The following HIPK2 variants were observed in gnomAD, a reference collection of about 807,000 sequenced individuals.
The protein encoded by HIPK2 is homeodomain-interacting protein kinase 2.
HIPK2 carries 27 observed loss-of-function variants against 113.7 expected under a neutral mutation model. The observed-to-expected ratio is 0.24, with a 90% CI of 0.17 to 0.33. The LOEUF is 0.33. Among genes scored for constraint, HIPK2 ranks in the 10% least tolerant of loss-of-function variants. The pLI is 1.00. For synonymous variants in HIPK2, 631 were observed against 642.2 expected (o/e 0.98, Z 0.26); for missense variants, 1,257 against 1,588.0 (o/e 0.79, Z 3.54).
At chr7:139,722,071 G>A in intron 1 of HIPK2, 1 of 470,416 alleles carries the variant, frequency 2.1e-6, no homozygotes, top group Non-Finnish European at 4.3e-6. Context: ...AGATATGCAT[G>A]GGGTTCTTAC....
At chr7:139,701,436 A>G (rs1215540869) in intron 2 of HIPK2, among the ~76,000 whole-genome samples, 3 of 152,238 alleles carry the variant, frequency 2.0e-5, no homozygotes, top group Admixed American at 2.0e-4. Context: ...CCTGTTCCCA[A>G]AGCCCTCACC....
rs1227950398 is a variant in HIPK2, at chr7:139,573,021, G to A, written c.3503C>T (p.Ala1168Val). The change falls in exon 15 of 15, where the codon GCC becomes GTC. Residue 1168 changes from alanine to valine, a missense_variant. By Grantham distance (64) the Ala-to-Val change is moderately conservative. This residue lies in a region of HIPK2 where 862 missense variants were observed against 1,004.3 expected (regional missense o/e 0.86). Coordinates refer to ENST00000406875, the MANE Select transcript of HIPK2 (RefSeq NM_022740.5). ...CGAGGCGCTGATGTAGGTCTGGTGGGCAAATTGGGCTGGATACTGACTCGG... is the reference window on the plus strand; with the variant it reads ...CGAGGCGCTGATGTAGGTCTGGTGGACAAATTGGGCTGGATACTGACTCGG... ...IHPSQYPAQF[A>V]HQTYISASPA... The A allele has an allele frequency of 6.2e-7, 1 of 1,612,362 alleles. No individual in the cohort carries two copies. The highest frequency in any genetic ancestry group is 8.5e-7 in the Non-Finnish European group (1 of 1,179,322).
chr7:139,619,587 T>C (rs1299717890), intron 7 of HIPK2, among the ~76,000 whole-genome samples: 3 of 152,192 alleles, frequency 2.0e-5, no homozygotes, highest in African/African-American at 4.8e-5. Flanking sequence ...GACAGGCTGA[T>C]GAACTGATTT....
At chr7:139,647,119 GT>G (rs3047860) in intron 2 of HIPK2, among the ~76,000 whole-genome samples, 21,549 of 142,364 alleles carry the variant, frequency 0.15, 1,567 homozygotes, top group Middle Eastern at 0.17. Flanking sequence ...TGCACTGATA[GT>G]TTTTTTTTTT....
intron 2 of HIPK2, among the ~76,000 whole-genome samples, chr7:139,681,858 C>G (rs1341927795): frequency 6.6e-6 from 1 of 152,210 alleles, no homozygotes; most frequent in Non-Finnish European, 1.5e-5. Context: ...TCCTACATTT[C>G]TTTGTCCACT....
intron 2 of HIPK2, among the ~76,000 whole-genome samples, chr7:139,652,317 C>A (rs1157573047): frequency 6.6e-6 from 1 of 152,200 alleles, no homozygotes; most frequent in African/African-American, 2.4e-5. Context: ...TTGTATAAGA[C>A]AGCAGGAGGA....
At chr7:139,660,906 G>T (rs1318126146) in intron 2 of HIPK2, among the ~76,000 whole-genome samples, 4 of 152,172 alleles carry the variant, frequency 2.6e-5, no homozygotes, top group Non-Finnish European at 5.9e-5. Flanking sequence ...CATTAACAAG[G>T]AAACAGAATC....
chr7:139,763,887 T>C (rs551214216), intron 1 of HIPK2, among the ~76,000 whole-genome samples: 38 of 152,364 alleles, frequency 2.5e-4, no homozygotes, highest in African/African-American at 7.2e-4. Context: ...GCTCTTATAC[T>C]ATAAACAAGT....
chr7:139,668,937 G>C (rs984828647), intron 2 of HIPK2, among the ~76,000 whole-genome samples: 6 of 152,148 alleles, frequency 3.9e-5, no homozygotes, highest in Non-Finnish European at 5.9e-5. Context: ...CAAATGTCAA[G>C]ATATTCTGAA....
At chr7:139,763,450 G>C (rs1173022931) in intron 1 of HIPK2, among the ~76,000 whole-genome samples, 3 of 150,102 alleles carry the variant, frequency 2.0e-5, no homozygotes, top group African/African-American at 7.4e-5. Context: ...CTGCTTTTAG[G>C]AGTAAGATTT....
chr7:139,631,182 G>T lies in HIPK2; in HGVS notation c.1330C>A (p.Pro444Thr), dbSNP rs1423379788. 6.2e-7 allele frequency: 1 copy of T among 1,613,112 alleles called. No individual in the cohort carries two copies. Among genetic ancestry groups the T allele is most frequent in the South Asian group, 1.1e-5 (1 of 90,724 alleles). The change falls in exon 4 of 15, where the codon CCT (proline) becomes ACT (threonine). Residue 444 changes from proline (P) to threonine (T), a missense_variant. Pro to Thr is a conservative substitution (Grantham distance 38, BLOSUM62 -1). Coordinates refer to ENST00000406875, the MANE Select transcript of HIPK2 (RefSeq NM_022740.5). The surrounding 1 kb of genome is among the most constrained non-coding windows in gnomAD (Gnocchi z 4.9). ...FFNRDTDSPY[P>T]LWRLKTPDDH... ...CTTCCTACCTTCAGTCTCCACAAAG[G>T]ATATGGTGAGTCCGTGTCACGGTTG...
chr7:139,756,327 TTTAA>T (rs1293444646), intron 1 of HIPK2, among the ~76,000 whole-genome samples: 1 of 152,244 alleles, frequency 6.6e-6, no homozygotes, highest in Non-Finnish European at 1.5e-5. Context: ...TTTTCTGATA[TTTAA>T]TTATTTCCCT....
chr7:139,667,789 T>C (rs1400302251), intron 2 of HIPK2, among the ~76,000 whole-genome samples: 1 of 152,306 alleles, frequency 6.6e-6, no homozygotes, highest in East Asian at 1.9e-4. Context: ...GTAAATATAT[T>C]CTATTTTACT....
intron 2 of HIPK2, among the ~76,000 whole-genome samples, chr7:139,705,388 T>C (rs1037567142): frequency 3.9e-5 from 6 of 152,192 alleles, no homozygotes; most frequent in Admixed American, 3.9e-4. Flanking sequence ...CCCCCTTTTT[T>C]TTTTTTGAGA....
chr7:139,630,364 C>T lies in HIPK2; in HGVS notation c.1347+801G>A, dbSNP rs115616067. Reference sequence around the variant, plus strand: ...CTAACCCCCATCACCCCAGCCGCCACCCCACACTTCTATACTGGGCAAACC... The same window carrying T: ...CTAACCCCCATCACCCCAGCCGCCATCCCACACTTCTATACTGGGCAAACC... On this transcript the variant is annotated intron_variant, in intron 4 of 14. Transcript: ENST00000406875. The surrounding 1 kb of genome is among the most constrained non-coding windows in gnomAD (Gnocchi z 4.0). Among the ~76,000 whole-genome samples the T allele has an allele frequency of 0.012, 1,771 of 152,212 alleles. 49 individuals are homozygous for T. Among genetic ancestry groups the T allele is most frequent in the African/African-American group, 0.041 (1,698 of 41,536 alleles).
intron 2 of HIPK2, among the ~76,000 whole-genome samples, chr7:139,655,152 T>C (rs1024963385): frequency 3.3e-5 from 5 of 152,216 alleles, no homozygotes; most frequent in Non-Finnish European, 4.4e-5. Flanking sequence ...GATGAGCCAG[T>C]TACTGAATTC....
Position 139,774,322 on chromosome 7 carries a change from C to T in HIPK2, c.19+3283G>A, listed in dbSNP as rs141699525. Among the ~76,000 whole-genome samples, 623 of 152,268 alleles carry T rather than the reference C, an allele frequency of 4.1e-3. 4 individuals carry two copies. The highest frequency in any genetic ancestry group is 0.013 in the African/African-American group (537 of 41,540). The stretch of plus-strand genomic sequence containing the variant: ...TGCACAGTCCAATAAAGCCCAAAGT[C>T]GTATCACTAGATTCAAACTCAGGTT... On this transcript the variant is annotated intron_variant, in intron 1 of 14. Transcript: ENST00000406875.
At chr7:139,712,134 A>C (rs944935927) in intron 2 of HIPK2, among the ~76,000 whole-genome samples, 1 of 152,140 alleles carries the variant, frequency 6.6e-6, no homozygotes, top group Non-Finnish European at 1.5e-5. Context: ...TGACCTTCGA[A>C]TTGGAAGGGA....
At position 139,760,127 on chromosome 7, in the gene HIPK2, C is replaced by T. The variant is rs73475910; in HGVS notation, c.19+17478G>A. ...ACGCCATTCTCCTGCCTCAGCCTCCCGAGTAGCTGGGACTACAGGCACCCG... is the reference window on the plus strand; with the variant it reads ...ACGCCATTCTCCTGCCTCAGCCTCCTGAGTAGCTGGGACTACAGGCACCCG... On this transcript the variant is annotated intron_variant, in intron 1 of 14. Coordinates refer to ENST00000406875, the MANE Select transcript of HIPK2 (RefSeq NM_022740.5). Among the ~76,000 whole-genome samples, 1,339 of 152,026 alleles carry T rather than the reference C, an allele frequency of 8.8e-3. 13 individuals carry two copies. The highest frequency in any genetic ancestry group is 0.03 in the African/African-American group (1,245 of 41,488).
Sources: gnomAD v4.1 joint callset for allele counts (sites outside exome capture counted in the v4.1 genomes callset) on GRCh38, gnomAD v4.1.1 for gene constraint, gnomAD v4.1.1 regional missense constraint, Gnocchi (gnomAD v3.1) non-coding constraint, MANE v1.5 for transcripts, NCBI Gene and HGNC (gene_info 2026-07-23, HGNC 2026-07-21) for gene names.